NPTN: variants seen among roughly 807,000 people sequenced by gnomAD.
NPTN encodes the protein neuroplastin.
Under a neutral mutation model 42.7 loss-of-function variants are expected in NPTN, and 5 were observed. The ratio of observed to expected loss-of-function variants is 0.12; its 90% CI spans 0.06 to 0.25. The LOEUF (loss-of-function observed/expected upper bound fraction) is 0.25, where lower values mean the gene tolerates loss of function less well. NPTN is among the 10% of genes least tolerant of loss of function. NPTN has a pLI of 1.00. For synonymous variants in NPTN, 180 were observed against 201.9 expected (o/e 0.89, Z 0.92); for missense variants, 307 against 525.4 (o/e 0.58, Z 4.06).
chr15:73,613,475 T>C (rs113731103), intron 1 of NPTN, among the ~76,000 whole-genome samples: 5 of 152,156 alleles, frequency 3.3e-5, no homozygotes, highest in African/African-American at 1.2e-4. Flanking sequence ...TAAATGGTAG[T>C]ATACAAAGAT....
At chr15:73,568,594 G>C in intron 6 of NPTN, 1 of 985,386 alleles carries the variant, frequency 1.0e-6, no homozygotes, top group Middle Eastern at 5.2e-4. Flanking sequence ...GAAATACCTG[G>C]AGAGAAAAAG....
chr15:73,567,560 G>A (rs967246875), intron 6 of NPTN: 1 of 985,422 alleles, frequency 1.0e-6, no homozygotes, highest in African/African-American at 1.7e-5. Flanking sequence ...CACAGGGGTT[G>A]AGGGGAACTG....
chr15:73,633,232 C>A lies in NPTN; in HGVS notation c.-17G>T. ...ACCCGACATCCTCCCTAGCAGAAGA[C>A]CCAACAGCGAATGGGCCGGGGCCAG... On this transcript the variant is annotated 5_prime_UTR_variant, in exon 1 of 9. Coordinates refer to ENST00000345330, the MANE Select transcript of NPTN (RefSeq NM_012428.4). 6.6e-7 allele frequency: 1 copy of A among 1,511,786 alleles called. No individual in the cohort carries two copies. The highest frequency in any genetic ancestry group is 2.7e-5 in the East Asian group (1 of 36,958). 93.6% of individuals were successfully genotyped at this position (1,511,786 alleles called of 1,614,324 possible).
chr15:73,562,033 C>T, intron 7 of NPTN, 63 bp from the exon 8 acceptor site: 1 of 1,210,884 alleles, frequency 8.3e-7, no homozygotes, highest in Admixed American at 2.1e-5. Flanking sequence ...AAGTATAACA[C>T]ATGGAAATAC....
chr15:73,577,255 C>T (rs1895749209), intron 4 of NPTN, among the ~76,000 whole-genome samples: 1 of 152,224 alleles, frequency 6.6e-6, no homozygotes, highest in African/African-American at 2.4e-5. Context: ...TGGTTCCACT[C>T]TTCTCACCTT....
chr15:73,580,623 GTATATATGTATATACATGT>G (rs1555408100), intron 4 of NPTN, among the ~76,000 whole-genome samples: 2 of 142,762 alleles, frequency 1.4e-5, no homozygotes, highest in Non-Finnish European at 3.0e-5. Context: ...TGTTATATAT[GTATATATGTATATACATGT>G]TATATATGTA....
chr15:73,581,332 AC>A (rs1367424394), intron 4 of NPTN, among the ~76,000 whole-genome samples: 1 of 152,106 alleles, frequency 6.6e-6, no homozygotes, highest in Non-Finnish European at 1.5e-5. Context: ...CCTGAAGGAG[AC>A]AGAGACAATA....
intron 6 of NPTN, chr15:73,567,071 T>C: frequency 3.1e-6 from 3 of 968,880 alleles, no homozygotes; most frequent in Non-Finnish European, 1.2e-6. Context: ...ATGTGAGAAA[T>C]CTAAATATTT....
chr15:73,572,512 G>A (rs1895466585), intron 5 of NPTN, among the ~76,000 whole-genome samples: 1 of 152,276 alleles, frequency 6.6e-6, no homozygotes, highest in Middle Eastern at 3.4e-3. Flanking sequence ...GTCTAAGGCT[G>A]CCAAGGCTGC....
rs190816692 is a variant in NPTN at position 73,566,198 on chromosome 15, T to C, written c.1115-2941A>G. 1.9e-4 allele frequency among the ~76,000 whole-genome samples: 29 copies of C among 152,338 alleles called. 1 individual carries two copies. The highest frequency in any genetic ancestry group is 1.6e-3 in the Admixed American group (24 of 15,306). On this transcript the variant is annotated intron_variant, in intron 6 of 8. Transcript: ENST00000345330. ...CCAGACACCGAATGCATGTTTTAGG[T>C]GTCATTTTAAAAGTCACATTTCTTT...
intron 4 of NPTN, among the ~76,000 whole-genome samples, chr15:73,578,992 CAAA>C (rs532918109): frequency 5.5e-5 from 3 of 54,686 alleles, no homozygotes; most frequent in African/African-American, 6.7e-5. Context: ...GATTCTGTCT[CAAA>C]AAAAAAAAAA....
intron 1 of NPTN, among the ~76,000 whole-genome samples, chr15:73,598,472 T>TA (rs201563805): frequency 0.064 from 9,178 of 142,580 alleles, 305 homozygotes; most frequent in South Asian, 0.12. Context: ...CAGAAAGAGT[T>TA]AAAAAAAAAA....
chr15:73,623,308 T>G (rs1381149345), intron 1 of NPTN, among the ~76,000 whole-genome samples: 1 of 152,214 alleles, frequency 6.6e-6, no homozygotes, highest in Non-Finnish European at 1.5e-5. Flanking sequence ...GCTACCTTAA[T>G]GGATTCCAAA....
chr15:73,560,062 T>A lies in NPTN; in HGVS notation c.*1001A>T, dbSNP rs185604985. 14 of 654,752 alleles carry A rather than the reference T, an allele frequency of 2.1e-5. No homozygotes were observed. The highest frequency in any genetic ancestry group is 3.8e-5 in the African/African-American group (2 of 52,284). The allele number at this position is 654,752 out of a possible 1,614,324, so 40.6% of individuals were successfully genotyped here. A position where few individuals can be genotyped will look rare whatever the true frequency, so the allele number is the denominator to read the frequency against. On this transcript the variant is annotated 3_prime_UTR_variant, in exon 9 of 9. Transcript: ENST00000345330. Reference sequence around the variant, plus strand: ...TTAAAAACAGGTGAATCCACTTTTTTATACATCATTGCACTTCAATAATTA... The same window carrying A: ...TTAAAAACAGGTGAATCCACTTTTTAATACATCATTGCACTTCAATAATTA...
intron 1 of NPTN, among the ~76,000 whole-genome samples, chr15:73,602,382 A>T (rs903242265): frequency 6.6e-6 from 1 of 152,192 alleles, no homozygotes; most frequent in Admixed American, 6.5e-5. Context: ...GACAGCCAAG[A>T]TCATAAGAGC....
intron 4 of NPTN, among the ~76,000 whole-genome samples, chr15:73,575,069 C>T (rs535428843): frequency 1.3e-4 from 20 of 152,302 alleles, no homozygotes; most frequent in African/African-American, 4.8e-4. Context: ...CTGCAACCTC[C>T]AACTCCTGGT....
rs185698797 is a variant in NPTN, at chr15:73,576,421, C to T, written c.707-2626G>A. 1.8e-3 allele frequency among the ~76,000 whole-genome samples: 280 copies of T among 152,242 alleles called. 1 individual carries two copies. Among genetic ancestry groups the T allele is most frequent in the Non-Finnish European group, 2.2e-3 (149 of 68,010 alleles). On this transcript the variant is annotated intron_variant, in intron 4 of 8. Coordinates refer to ENST00000345330, the MANE Select transcript of NPTN (RefSeq NM_012428.4). Reference sequence around the variant, plus strand: ...TTGGTTCACTGCAACCTCCACCTTCCGGGTTCAAGTGATTCTTCTGCCTTG... The same window carrying T: ...TTGGTTCACTGCAACCTCCACCTTCTGGGTTCAAGTGATTCTTCTGCCTTG...
intron 4 of NPTN, among the ~76,000 whole-genome samples, chr15:73,585,090 G>A (rs1438545518): frequency 2.6e-5 from 4 of 152,184 alleles, no homozygotes; most frequent in African/African-American, 9.7e-5. Flanking sequence ...CTGAAAGACA[G>A]GAAAAGGCAG....
chr15:73,583,408 G>A (rs1197196302), intron 4 of NPTN, among the ~76,000 whole-genome samples: 2 of 152,104 alleles, frequency 1.3e-5, no homozygotes, highest in African/African-American at 4.8e-5. Flanking sequence ...ATTCCCTCAA[G>A]CCTCAATTTT....
Sources: allele counts gnomAD v4.1 joint callset (sites outside exome capture counted in the v4.1 genomes callset), GRCh38; gene constraint gnomAD v4.1.1; transcripts MANE v1.5; gene names NCBI Gene and HGNC (gene_info 2026-07-23, HGNC 2026-07-21).